Variants in KLHDC1 observed in about 807,000 individuals in gnomAD.
KLHDC1 encodes kelch domain-containing protein 1.
A neutral mutation model predicts 68.3 loss-of-function variants in KLHDC1; 53 were observed. The ratio of observed to expected loss-of-function variants is 0.78; its 90% CI spans 0.62 to 0.98. The LOEUF (loss-of-function observed/expected upper bound fraction) is 0.98, where lower values mean the gene tolerates loss of function less well. KLHDC1 is among the 50% of genes least tolerant of loss of function. The pLI is 0.00. For missense variants in KLHDC1, 470 were observed against 492.3 expected (o/e 0.95, Z 0.43); for synonymous variants, 148 against 159.0 (o/e 0.93, Z 0.52).
intron 4 of KLHDC1, among the ~76,000 whole-genome samples, chr14:49,716,624 TC>T (rs1320770023): frequency 2.0e-5 from 3 of 152,084 alleles, no homozygotes; most frequent in Admixed American, 2.0e-4. Flanking sequence ...CCTCAGGTGA[TC>T]CGCGCACCTC....
chr14:49,735,591 T>A (rs6572601), intron 10 of KLHDC1, among the ~76,000 whole-genome samples: 141,586 of 152,058 alleles, frequency 0.93, 66,748 homozygotes, highest in East Asian at 1. Flanking sequence ...TACTTTAACA[T>A]TTCTGGCTCT....
At chr14:49,715,547 G>T (rs1888347207) in intron 4 of KLHDC1, among the ~76,000 whole-genome samples, 1 of 150,816 alleles carries the variant, frequency 6.6e-6, no homozygotes, top group African/African-American at 2.4e-5. Flanking sequence ...AGGAGTTCGA[G>T]ACCAGCCTGG....
At chr14:49,702,611 T>C (rs1461450691) in intron 1 of KLHDC1, among the ~76,000 whole-genome samples, 2 of 152,190 alleles carry the variant, frequency 1.3e-5, no homozygotes, top group African/African-American at 4.8e-5. Flanking sequence ...ATTCTAGTTG[T>C]CTCCTACTTA....
chr14:49,725,481 A>G (rs1315374984), intron 5 of KLHDC1: 2 of 433,256 alleles, frequency 4.6e-6, no homozygotes, highest in Non-Finnish European at 8.3e-6. Context: ...TACTATGAGA[A>G]GAAAAGTTGC....
At chr14:49,746,037 GTA>G (rs1889192248) in intron 12 of KLHDC1, among the ~76,000 whole-genome samples, 1 of 152,178 alleles carries the variant, frequency 6.6e-6, no homozygotes, top group African/African-American at 2.4e-5. Flanking sequence ...GATCTGGAAA[GTA>G]TCAATGGGGC....
intron 6 of KLHDC1, among the ~76,000 whole-genome samples, chr14:49,726,784 C>T (rs914955754): frequency 6.6e-6 from 1 of 152,206 alleles, no homozygotes; most frequent in Non-Finnish European, 1.5e-5. Context: ...GCAGGTTACT[C>T]AGCATCCTCA....
intron 1 of KLHDC1, among the ~76,000 whole-genome samples, chr14:49,705,239 G>A (rs948720887): frequency 3.9e-5 from 6 of 151,990 alleles, no homozygotes; most frequent in African/African-American, 7.2e-5. Context: ...TTGAAGTTTC[G>A]AGGGATAGCA....
chr14:49,731,286 A>C (rs1221793062), intron 8 of KLHDC1, among the ~76,000 whole-genome samples: 1 of 152,008 alleles, frequency 6.6e-6, no homozygotes, highest in Non-Finnish European at 1.5e-5. Flanking sequence ...CTCAAAAAAT[A>C]AAAAAAAGTT....
intron 1 of KLHDC1, among the ~76,000 whole-genome samples, chr14:49,699,421 T>TAA (rs75035029): frequency 5.9e-5 from 8 of 136,238 alleles, no homozygotes; most frequent in Admixed American, 1.5e-4. Flanking sequence ...GTATAGGCTT[T>TAA]AAAAAAAAAA....
chr14:49,744,023 A>C (rs543170691), intron 12 of KLHDC1, among the ~76,000 whole-genome samples: 3 of 152,120 alleles, frequency 2.0e-5, no homozygotes, highest in Admixed American at 2.0e-4. Context: ...GATGACTTAC[A>C]CCTGTAATTG....
intron 10 of KLHDC1, among the ~76,000 whole-genome samples, chr14:49,738,248 A>G (rs984379166): frequency 6.6e-6 from 1 of 152,110 alleles, no homozygotes; most frequent in Non-Finnish European, 1.5e-5. Context: ...AGAATATTAG[A>G]TGCTCTACTC....
chr14:49,740,319 T>C (rs1365596127), intron 11 of KLHDC1, 137 bp downstream of exon 11: 1 of 582,024 alleles, frequency 1.7e-6, no homozygotes, highest in African/African-American at 1.9e-5. Flanking sequence ...GTTTAATTAA[T>C]CTTCAGGATG....
In KLHDC1 at chr14:49,720,660, C is replaced by T. The variant is rs1888503781; in HGVS notation, c.405-3214C>T. Among the ~76,000 whole-genome samples the T allele has an allele frequency of 2.0e-5, 3 of 152,058 alleles. No individual in the cohort carries two copies. In the South Asian group the frequency reaches 6.2e-4, roughly 32 times the overall value. On this transcript the variant is annotated intron_variant, in intron 4 of 12. Transcript: ENST00000359332. ...ATATTATCAAATATTTCTTCTCCAT[C>T]TTTCTTTGTCTCCCCTTCTGTGACT...
At chr14:49,749,697 AG>A (rs1430683410) in intron 12 of KLHDC1, among the ~76,000 whole-genome samples, 12 of 150,986 alleles carry the variant, frequency 7.9e-5, no homozygotes, top group Non-Finnish European at 1.8e-4. Flanking sequence ...AAAAAAAAAA[AG>A]AAATACAATT....
Position 49,750,386 on chromosome 14 carries a change from C to T in KLHDC1, c.1035-1200C>T, listed in dbSNP as rs138691758. 2.4e-4 allele frequency among the ~76,000 whole-genome samples: 37 copies of T among 152,312 alleles called. No individual in the cohort carries two copies. In the East Asian group the frequency reaches 6.2e-3, roughly 25 times the overall value. ...AGGACCTCAAGGTCTCAGCTTGGAC[C>T]TCCATCTGGAGAGTTTCCCCTGGCT... On this transcript the variant is annotated intron_variant, in intron 12 of 12. Transcript: ENST00000359332.
intron 6 of KLHDC1, among the ~76,000 whole-genome samples, chr14:49,726,953 C>T (rs1279963588): frequency 1.3e-5 from 2 of 152,028 alleles, no homozygotes; most frequent in Non-Finnish European, 2.9e-5. Context: ...ATATATTAGT[C>T]TTAGAAAAGG....
chr14:49,704,124 C>G (rs188854766), intron 1 of KLHDC1, among the ~76,000 whole-genome samples: 1 of 152,138 alleles, frequency 6.6e-6, no homozygotes, highest in Non-Finnish European at 1.5e-5. Context: ...TCTGGCCTTA[C>G]GTTTTTGCCG....
At chr14:49,702,497 T>A (rs1262739367) in intron 1 of KLHDC1, among the ~76,000 whole-genome samples, 1 of 152,240 alleles carries the variant, frequency 6.6e-6, no homozygotes, top group African/African-American at 2.4e-5. Flanking sequence ...TGGTCATCTA[T>A]GTTATATGGA....
At chr14:49,748,981 A>C (rs542184227) in intron 12 of KLHDC1, among the ~76,000 whole-genome samples, 1 of 152,008 alleles carries the variant, frequency 6.6e-6, no homozygotes, top group South Asian at 2.1e-4. Flanking sequence ...TTGTATTTTT[A>C]GTAGAGATGA....
Sources: gnomAD v4.1 joint callset for allele counts (sites outside exome capture counted in the v4.1 genomes callset) on GRCh38, gnomAD v4.1.1 for gene constraint, MANE v1.5 for transcripts, NCBI Gene and HGNC (gene_info 2026-07-23, HGNC 2026-07-21) for gene names.